The following USH2A variants were observed in gnomAD, a reference collection of about 807,000 sequenced individuals.
USH2A encodes the protein usherin.
A neutral mutation model predicts 538.9 loss-of-function variants in USH2A; 443 were observed. That is an observed-to-expected ratio of 0.82 (90% confidence interval 0.76 to 0.89). The LOEUF is 0.89. USH2A is among the 40% of genes least tolerant of loss of function. USH2A has a pLI of 0.00. For synonymous variants in USH2A, 2,413 were observed against 2,273.5 expected (o/e 1.06, Z -1.75); for missense variants, 6,633 against 6,324.8 (o/e 1.05, Z -1.65).
At chr1:215,907,990 AT>A (rs1207202120) in intron 38 of USH2A, among the ~76,000 whole-genome samples, 1 of 152,086 alleles carries the variant, frequency 6.6e-6, no homozygotes, top group Non-Finnish European at 1.5e-5. Flanking sequence ...TTACAAAAAA[AT>A]GTGAAAAATA....
At chr1:215,868,377 C>A (rs1293916835) in intron 43 of USH2A, among the ~76,000 whole-genome samples, 1 of 152,168 alleles carries the variant, frequency 6.6e-6, no homozygotes, top group Admixed American at 6.5e-5. Flanking sequence ...TTCTGCCTGA[C>A]CCACATTGAA....
Position 216,251,047 on chromosome 1 carries a change from G to T in USH2A, c.2023C>A (p.Gln675Lys). Residue 675 changes from glutamine (Q) to lysine (K), a missense_variant, in exon 12 of 72, where the codon CAG becomes AAG. Gln to Lys is a moderately conservative substitution (Grantham distance 53, BLOSUM62 1). Coordinates refer to ENST00000307340, the MANE Select transcript of USH2A (RefSeq NM_206933.4). The part of the protein sequence containing the change: ...KRHVSGRQCN[Q>K]CQNGFYNLQE... ...AGATTGTAGAATCCATTCTGGCACT[G>T]ATTGCACTGCCTGCCAGACACGTGT... is the stretch of plus-strand genomic sequence containing the variant. 1 of 1,614,058 alleles carries T rather than the reference G, an allele frequency of 6.2e-7. No individual in the cohort carries two copies. The highest frequency in any genetic ancestry group is 8.5e-7 in the Non-Finnish European group (1 of 1,179,988).
At chr1:215,939,452 A>G (rs1666580315) in intron 37 of USH2A, among the ~76,000 whole-genome samples, 1 of 152,192 alleles carries the variant, frequency 6.6e-6, no homozygotes, top group South Asian at 2.1e-4. Context: ...TACTTATAAA[A>G]AAACCTTTTC....
intron 37 of USH2A, among the ~76,000 whole-genome samples, chr1:215,939,315 G>A (rs956688700): frequency 2.0e-5 from 3 of 151,978 alleles, no homozygotes; most frequent in African/African-American, 7.2e-5. Flanking sequence ...TGCTCTTTCG[G>A]TCTATCCCAC....
In USH2A at chr1:215,680,294, C is replaced by T. The variant is rs867523397; in HGVS notation, c.12149G>A (p.Gly4050Glu). 1.2e-6 allele frequency: 2 copies of T among 1,614,126 alleles called. No individual in the cohort carries two copies. Among genetic ancestry groups the T allele is most frequent in the African/African-American group, 1.3e-5 (1 of 75,012 alleles). The change falls in exon 62 of 72, where the codon GGA (glycine) becomes GAA (glutamate). Residue 4050 changes from glycine (G) to glutamate (E), a missense_variant. Physicochemically the swap from Gly to Glu is moderately conservative, Grantham distance 98. Coordinates refer to ENST00000307340, the MANE Select transcript of USH2A (RefSeq NM_206933.4). Reference sequence around the variant, plus strand: ...CAGAGTCCAAGGGCTTAAAATTTCTCCTGCATGGTTTGCAGCCACAACACC... The same window carrying T: ...CAGAGTCCAAGGGCTTAAAATTTCTTCTGCATGGTTTGCAGCCACAACACC... ...RIGVVAANHA[G>E]EILSPWTLIQ...
intron 4 of USH2A, among the ~76,000 whole-genome samples, chr1:216,354,936 T>C (rs1233213541): frequency 6.6e-6 from 1 of 152,048 alleles, no homozygotes; most frequent in Non-Finnish European, 1.5e-5. Flanking sequence ...AGGACAAATA[T>C]AATGAAAATC....
intron 21 of USH2A, among the ~76,000 whole-genome samples, chr1:216,157,931 AC>A (rs2033982551): frequency 6.6e-6 from 1 of 152,156 alleles, no homozygotes; most frequent in Non-Finnish European, 1.5e-5. Context: ...CGCATGTTGT[AC>A]CCATTATACC....
intron 61 of USH2A, among the ~76,000 whole-genome samples, chr1:215,722,941 A>G (rs1158251062): frequency 1.3e-5 from 2 of 152,184 alleles, no homozygotes; most frequent in African/African-American, 2.4e-5. Context: ...AAAGCAAACA[A>G]ACCCAAATGG....
At chr1:215,909,578 G>T (rs923195961) in intron 38 of USH2A, among the ~76,000 whole-genome samples, 4 of 151,838 alleles carry the variant, frequency 2.6e-5, no homozygotes, top group African/African-American at 9.7e-5. Flanking sequence ...TGAACCTAAA[G>T]CTGCTCTTAA....
chr1:216,182,689 C>T (rs933515634), intron 20 of USH2A, among the ~76,000 whole-genome samples: 17 of 152,038 alleles, frequency 1.1e-4, no homozygotes, highest in African/African-American at 4.1e-4. Flanking sequence ...TGTATACAAA[C>T]AGTAATAAAC....
At chr1:215,772,798 T>C (rs1221325959) in intron 55 of USH2A, among the ~76,000 whole-genome samples, 1 of 152,236 alleles carries the variant, frequency 6.6e-6, no homozygotes, top group Non-Finnish European at 1.5e-5. Context: ...TTCTAAAGAA[T>C]TACCAAATAG....
At chr1:215,955,785 T>C (rs1388859656) in intron 37 of USH2A, among the ~76,000 whole-genome samples, 1 of 152,122 alleles carries the variant, frequency 6.6e-6, no homozygotes, top group Non-Finnish European at 1.5e-5. Context: ...TTGGGAAATA[T>C]GTTTGATGTG....
chr1:216,377,111 A>C (rs1359811709), intron 3 of USH2A, among the ~76,000 whole-genome samples: 4 of 152,202 alleles, frequency 2.6e-5, no homozygotes, highest in Non-Finnish European at 2.9e-5. Flanking sequence ...TCAAAAACTA[A>C]ATGAAGAGCC....
At chr1:215,633,943 G>A (rs562693834) in intron 70 of USH2A, among the ~76,000 whole-genome samples, 2 of 152,236 alleles carry the variant, frequency 1.3e-5, no homozygotes, top group Admixed American at 1.3e-4. Flanking sequence ...CATCCTCTGT[G>A]GCACAGGGTG....
At chr1:216,138,572 G>T (rs140165277) in intron 21 of USH2A, among the ~76,000 whole-genome samples, 405 of 152,202 alleles carry the variant, frequency 2.7e-3, no homozygotes, top group African/African-American at 9.3e-3. Flanking sequence ...AGTACACCAA[G>T]TCCTCTTTTT....
intron 32 of USH2A, among the ~76,000 whole-genome samples, chr1:216,027,155 C>T (rs761980229): frequency 6.6e-6 from 1 of 152,010 alleles, no homozygotes; most frequent in African/African-American, 2.4e-5. Context: ...GGGATGTGGT[C>T]TTTAAAGAGG....
intron 38 of USH2A, among the ~76,000 whole-genome samples, chr1:215,930,767 A>G (rs571405206): frequency 3.3e-5 from 5 of 152,166 alleles, no homozygotes; most frequent in Admixed American, 3.3e-4. Context: ...ACTGAGCCCC[A>G]TTAAGCGTTG....
At chr1:216,059,428 T>G (rs2031096876) in intron 30 of USH2A, among the ~76,000 whole-genome samples, 1 of 152,164 alleles carries the variant, frequency 6.6e-6, no homozygotes. Flanking sequence ...AAACAATGAG[T>G]ATCACTTCTT....
At chr1:216,252,026 A>C (rs1044030468) in intron 11 of USH2A, among the ~76,000 whole-genome samples, 1 of 152,318 alleles carries the variant, frequency 6.6e-6, no homozygotes, top group Non-Finnish European at 1.5e-5. Context: ...TATTGTGATA[A>C]GAAATTCCAA....
Sources: gnomAD v4.1 joint callset for allele counts (sites outside exome capture counted in the v4.1 genomes callset) on GRCh38, gnomAD v4.1.1 for gene constraint, MANE v1.5 for transcripts, NCBI Gene and HGNC (gene_info 2026-07-23, HGNC 2026-07-21) for gene names.